DNAH5: variants seen among roughly 807,000 people sequenced by gnomAD.
The protein encoded by DNAH5 is dynein axonemal heavy chain 5.
Under a neutral mutation model 518.2 loss-of-function variants are expected in DNAH5, and 372 were observed. That is an observed-to-expected ratio of 0.72 (90% confidence interval 0.66 to 0.78). The LOEUF is 0.78. Ranked by LOEUF, DNAH5 falls within the 30% of genes least tolerant of loss-of-function variation. The probability of loss-of-function intolerance (pLI) is 0.00; values close to 1 mark genes in which losing one functional copy is unlikely to be tolerated. For missense variants in DNAH5, 5,523 were observed against 5,687.0 expected, an observed-to-expected ratio of 0.97 and a Z score of 0.93; for synonymous variants, 2,039 against 2,025.9, an observed-to-expected ratio of 1.01 and a Z score of -0.17.
chr5:13,913,740 T>C lies in DNAH5; in HGVS notation c.1536+3A>G, dbSNP rs1245296526. 6.2e-7 allele frequency: 1 copy of C among 1,613,242 alleles called. No individual in the cohort carries two copies. Among genetic ancestry groups the C allele is most frequent in the East Asian group, 2.2e-5 (1 of 44,840 alleles). On this transcript the variant is annotated splice_donor_region_variant and intron_variant, in intron 11 of 78. Transcript: ENST00000265104. ...TATAAAATATAGCTTTAAAGTACAA[T>C]ACCTGGTATTTAGTGGCCATGTCTT...
chr5:13,999,976 T>A (rs1044725137), intron 1 of DNAH5, among the ~76,000 whole-genome samples: 1 of 152,244 alleles, frequency 6.6e-6, no homozygotes, highest in African/African-American at 2.4e-5. Flanking sequence ...AAAAAAGAAT[T>A]CACACTAACA....
chr5:13,904,369 G>A (rs10066280), intron 12 of DNAH5, among the ~76,000 whole-genome samples: 7,814 of 148,466 alleles, frequency 0.053, 304 homozygotes, highest in African/African-American at 0.11. Flanking sequence ...ATATTTTTAT[G>A]TAGATTGTAC....
rs190497931 is a variant in DNAH5, at chr5:13,787,112, C to T, written c.8648-761G>A. ...GTGTATGCCTGTAGTCCCAGCTACT[C>T]GGGAGGCTGAGGCAGGAGAATCGTC... On this transcript the variant is annotated intron_variant, in intron 51 of 78. Coordinates refer to ENST00000265104, the MANE Select transcript of DNAH5 (RefSeq NM_001369.3). Among the ~76,000 whole-genome samples the T allele has an allele frequency of 8.8e-3, 1,336 of 151,006 alleles. 24 individuals are homozygous for T. Among genetic ancestry groups the T allele is most frequent in the African/African-American group, 0.031 (1,255 of 41,058 alleles).
At chr5:14,008,537 TCA>T (rs1784891887) in intron 1 of DNAH5, among the ~76,000 whole-genome samples, 1 of 151,478 alleles carries the variant, frequency 6.6e-6, no homozygotes, top group Non-Finnish European at 1.5e-5. Flanking sequence ...GGTATGAGAA[TCA>T]CAGAAGAATC....
chr5:13,889,357 A>G (rs1470755627), intron 17 of DNAH5, among the ~76,000 whole-genome samples: 1 of 152,134 alleles, frequency 6.6e-6, no homozygotes, highest in Non-Finnish European at 1.5e-5. Context: ...TGTGAGGAGG[A>G]GGGACTAGAA....
rs1740772996 is a variant in DNAH5, at chr5:13,692,120, C to T, written c.13739G>A (p.Arg4580Gln). 10 of 1,613,874 alleles carry T rather than the reference C, an allele frequency of 6.2e-6. No homozygotes were observed. Among genetic ancestry groups the T allele is most frequent in the East Asian group, 2.2e-5 (1 of 44,840 alleles). Residue 4580 changes from arginine (R) to glutamine (Q), a missense_variant, in exon 79 of 79, where the codon CGG becomes CAG. By Grantham distance (43) the Arg-to-Gln change is conservative. This residue lies in a region of DNAH5 where 387 missense variants were observed against 430.0 expected (regional missense o/e 0.90). Transcript: ENST00000265104. ...YAENNTLRDPRFYSCPIYKKP... is the reference protein window; with the variant it reads ...YAENNTLRDPQFYSCPIYKKP... The stretch of plus-strand genomic sequence containing the variant: ...CTTATAGATGGGACAGGAGTAAAAC[C>T]GAGGATCTCGTAAAGCTACAAAAAA...
rs565327686 is a variant in DNAH5 at position 13,873,792 on chromosome 5, C to T, written c.3397-2027G>A. On this transcript the variant is annotated intron_variant, in intron 22 of 78. Transcript: ENST00000265104. Reference sequence around the variant, plus strand: ...CTGAGATTACAAACATGAGCCACGGCGCCTAGCCAAAAAATTTGTCTCTTC... The same window carrying T: ...CTGAGATTACAAACATGAGCCACGGTGCCTAGCCAAAAAATTTGTCTCTTC... Among the ~76,000 whole-genome samples, 5 of 152,142 alleles carry T rather than the reference C, an allele frequency of 3.3e-5. No individual in the cohort carries two copies. The South Asian group carries it at 6.2e-4, about 19-fold the overall frequency.
rs780665369 is a variant in DNAH5 at position 13,885,122 on chromosome 5, C to A, written c.2850G>T (p.Met950Ile). The change falls in exon 19 of 79, where the codon ATG becomes ATT. Residue 950 changes from methionine (M) to isoleucine (I), a missense_variant. Physicochemically the swap from Met to Ile is conservative, Grantham distance 10. Around this residue, in one of 3 missense-constraint regions of DNAH5, gnomAD observed 5,121 missense variants for 5,223.3 expected, o/e 0.98. Coordinates refer to ENST00000265104, the MANE Select transcript of DNAH5 (RefSeq NM_001369.3). ...TVTRKKKETE[M>I]LGEEARELLS... The stretch of plus-strand genomic sequence containing the variant: ...GTAACTCGCGGGCTTCTTCCCCTAA[C>A]ATCTCAGTTTCTTTCTTTTTCCTCG... 6 of 1,614,130 alleles carry A rather than the reference C, an allele frequency of 3.7e-6. No individual in the cohort carries two copies. In the South Asian group the frequency reaches 6.6e-5, roughly 18 times the overall value.
At chr5:13,760,569 G>T (rs1580102366) in intron 60 of DNAH5, among the ~76,000 whole-genome samples, 3 of 152,050 alleles carry the variant, frequency 2.0e-5, no homozygotes, top group Admixed American at 1.3e-4. Flanking sequence ...AGTTTTCAAG[G>T]AGAATCTCAT....
intron 2 of DNAH5, among the ~76,000 whole-genome samples, chr5:13,930,812 C>T (rs189641196): frequency 3.9e-4 from 60 of 152,300 alleles, no homozygotes; most frequent in Admixed American, 3.1e-3. Context: ...TTCTGTTCCC[C>T]GGCTTTAGTT....
At chr5:13,820,599 C>G in intron 40 of DNAH5, 100 bp from the exon 41 acceptor site, 6 of 1,384,800 alleles carry the variant, frequency 4.3e-6, no homozygotes, top group Admixed American at 1.7e-5. Flanking sequence ...CCGAGGCGGG[C>G]AGATCACAAG....
chr5:13,923,560 G>A (rs1161286030), intron 3 of DNAH5, 120 bp from the exon 4 acceptor site: 10 of 1,063,244 alleles, frequency 9.4e-6, no homozygotes, highest in Non-Finnish European at 1.4e-5. Context: ...TGCCTTAGAT[G>A]GGTCCACCTC....
chr5:13,979,838 TG>T (rs1014600468), intron 1 of DNAH5, among the ~76,000 whole-genome samples: 4 of 138,446 alleles, frequency 2.9e-5, no homozygotes, highest in African/African-American at 8.2e-5. Flanking sequence ...CAAAGTTTTT[TG>T]GGGTTTTTTT....
intron 1 of DNAH5, among the ~76,000 whole-genome samples, chr5:14,000,353 G>A (rs1432102713): frequency 6.6e-6 from 1 of 152,214 alleles, no homozygotes; most frequent in African/African-American, 2.4e-5. Flanking sequence ...AGTGAGCACG[G>A]CCCTTGCCAA....
At chr5:13,919,992 CTATTCATT>C (rs1461287802) in intron 6 of DNAH5, among the ~76,000 whole-genome samples, 1 of 152,222 alleles carries the variant, frequency 6.6e-6, no homozygotes. Flanking sequence ...TTTTTCTTGG[CTATTCATT>C]TACTCTATAA....
intron 1 of DNAH5, among the ~76,000 whole-genome samples, chr5:13,976,689 G>GTATATATATATATATA: frequency 7.2e-6 from 1 of 138,020 alleles, no homozygotes; most frequent in African/African-American, 2.8e-5. Flanking sequence ...GTGTGTGTGT[G>GTATATATATATATATA]TATATATATA....
chr5:13,695,063 C>A (rs937499912), intron 78 of DNAH5, among the ~76,000 whole-genome samples: 1 of 152,158 alleles, frequency 6.6e-6, no homozygotes, highest in Non-Finnish European at 1.5e-5. Context: ...GTGGCCTCTC[C>A]GCTTCATCTC....
intron 21 of DNAH5, among the ~76,000 whole-genome samples, chr5:13,878,742 A>G (rs1771244864): frequency 2.0e-5 from 3 of 152,236 alleles, no homozygotes; most frequent in African/African-American, 7.2e-5. Context: ...AGGTGGATGT[A>G]CAATGGGCCA....
At chr5:13,945,399 A>G (rs993063587), upstream of DNAH5, among the ~76,000 whole-genome samples, 3 of 152,222 alleles carry the variant, frequency 2.0e-5, no homozygotes, top group South Asian at 4.1e-4. Flanking sequence ...CATCCTGGTA[A>G]CATCCTGCTA....
Sources: gnomAD v4.1 joint callset for allele counts (sites outside exome capture counted in the v4.1 genomes callset) on GRCh38, gnomAD v4.1.1 for gene constraint, gnomAD v4.1.1 regional missense constraint, MANE v1.5 for transcripts, NCBI Gene and HGNC (gene_info 2026-07-23, HGNC 2026-07-21) for gene names.